Variants in SEZ6L2 observed in about 807,000 individuals in gnomAD.
The protein encoded by SEZ6L2 is seizure 6-like protein 2.
A neutral mutation model predicts 97.0 loss-of-function variants in SEZ6L2; 44 were observed. The ratio of observed to expected loss-of-function variants is 0.45; its 90% CI spans 0.36 to 0.58. SEZ6L2 has a LOEUF of 0.58. SEZ6L2 is among the 20% of genes least tolerant of loss of function. SEZ6L2 has a pLI of 0.00. For synonymous variants in SEZ6L2, 543 were observed against 546.1 expected (o/e 0.99, Z 0.08); for missense variants, 1,086 against 1,233.3 (o/e 0.88, Z 1.79).
Position 29,895,380 on chromosome 16 carries a change from G to C in SEZ6L2, c.732C>G (p.Leu244=). 6.2e-7 allele frequency: 1 copy of C among 1,614,144 alleles called. No individual in the cohort carries two copies. The change falls in exon 5 of 18, where the codon CTC becomes CTG. Residue 244 remains leucine, a synonymous_variant. Transcript: ENST00000617533. ...CTCCAAGCATGGATGAGTTGGCCAG[G>C]AGTCGGGGGGCCAGGCCTGGGGATC... The part of the protein sequence containing the change: ...GGGSPGLAPR[L]LANSSMLGEG...
In SEZ6L2 at chr16:29,895,532, G is replaced by A. The variant is rs1387893335; in HGVS notation, c.652-72C>T. The A allele has an allele frequency of 1.3e-5, 20 of 1,538,510 alleles. No homozygotes were observed. In the East Asian group the frequency reaches 4.3e-4, roughly 33 times the overall value. On this transcript the variant is annotated intron_variant, in intron 4 of 17. Coordinates refer to ENST00000617533, the MANE Select transcript of SEZ6L2 (RefSeq NM_001243332.2). ...TTGACTTCCAAAGCCCCTGTCCTGTGCCTTTGCCCTGTGTGTAGCAGCCCA... is the reference window on the plus strand; with the variant it reads ...TTGACTTCCAAAGCCCCTGTCCTGTACCTTTGCCCTGTGTGTAGCAGCCCA...
intron 5 of SEZ6L2, among the ~76,000 whole-genome samples, chr16:29,893,508 G>T (rs901616476): frequency 4.0e-5 from 6 of 151,796 alleles, no homozygotes; most frequent in African/African-American, 1.5e-4. Flanking sequence ...TTAGCCAGGC[G>T]TAGTGGCAGG....
At chr16:29,881,793 A>G (rs1385102637) in intron 8 of SEZ6L2, among the ~76,000 whole-genome samples, 19 of 149,650 alleles carry the variant, frequency 1.3e-4, no homozygotes, top group Admixed American at 1.3e-3. Context: ...ACCCCCGGCT[A>G]ATTTTTGTAT....
chr16:29,896,790 C>T, intron 3 of SEZ6L2, 32 bp downstream of exon 3: 1 of 1,601,136 alleles, frequency 6.2e-7, no homozygotes, highest in Non-Finnish European at 8.5e-7. Context: ...CTCTCCGGTC[C>T]TCCCACCCCC....
At position 29,898,965 on chromosome 16, in the gene SEZ6L2, G is replaced by C; in HGVS notation, c.55C>G (p.Leu19Val). Residue 19 changes from leucine (L) to valine (V), a missense_variant, in exon 1 of 18, where the codon CTG becomes GTG. Physicochemically the swap from Leu to Val is conservative, Grantham distance 32. This residue lies in a region of SEZ6L2 where 776 missense variants were observed against 794.7 expected (regional missense o/e 0.98). Coordinates refer to ENST00000617533, the MANE Select transcript of SEZ6L2 (RefSeq NM_001243332.2). ...CCCTGGATCCAGGGACAGCTCAGCA[G>C]AATTAGGAACAGCAGCTGGGGAGGC... is the stretch of plus-strand genomic sequence containing the variant. ...PPPPQLLFLI[L>V]LSCPWIQGLP... 6.2e-7 allele frequency: 1 copy of C among 1,612,314 alleles called. No individual in the cohort carries two copies. Among genetic ancestry groups the C allele is most frequent in the Non-Finnish European group, 8.5e-7 (1 of 1,179,744 alleles).
Position 29,888,658 on chromosome 16 carries a change from G to A in SEZ6L2, c.921C>T (p.His307=). The change falls in exon 6 of 18, where the codon CAC becomes CAT. Residue 307 remains histidine (H), a synonymous_variant. Transcript: ENST00000617533. ...AGTGAAAGGTGGCAGTGCCCCCAGG[G>A]TGCAGGTCCGTCACACTCACGTCCC... The part of the protein sequence containing the change: ...AHGDVSVTDL[H]PGGTATFHCD... 6.2e-7 allele frequency: 1 copy of A among 1,614,016 alleles called. No homozygotes were observed. The highest frequency in any genetic ancestry group is 8.5e-7 in the Non-Finnish European group (1 of 1,179,944).
chr16:29,872,324 G>A (rs368700942), intron 16 of SEZ6L2, 41 bp from the exon 17 acceptor site: 125 of 1,601,126 alleles, frequency 7.8e-5, no homozygotes, highest in Non-Finnish European at 9.6e-5. Flanking sequence ...CAACAGGTAA[G>A]CCCCTGAGCT....
intron 12 of SEZ6L2, among the ~76,000 whole-genome samples, chr16:29,874,550 GTTTTTTTTTTTTTTTTTT>G (rs541095994): frequency 0.051 from 1,650 of 32,606 alleles, 136 homozygotes; most frequent in African/African-American, 0.13. Flanking sequence ...GTGTGTGCTT[GTTTTTTTTTTTTTTTTTT>G]TTTTTTTTTT....
intron 8 of SEZ6L2, 76 bp from the exon 9 acceptor site, chr16:29,880,140 A>G: frequency 7.2e-7 from 1 of 1,397,454 alleles, no homozygotes; most frequent in African/African-American, 1.4e-5. Flanking sequence ...TGTGGGCTGA[A>G]TTGGGGTGTT....
intron 6 of SEZ6L2, among the ~76,000 whole-genome samples, chr16:29,888,305 A>T (rs1567421730): frequency 6.6e-6 from 1 of 151,816 alleles, no homozygotes; most frequent in Non-Finnish European, 1.5e-5. Flanking sequence ...CCCAAAATAA[A>T]ATCTCCAGTG....
intron 7 of SEZ6L2, among the ~76,000 whole-genome samples, chr16:29,886,287 T>A (rs2068139107): frequency 6.6e-6 from 1 of 152,126 alleles, no homozygotes; most frequent in Non-Finnish European, 1.5e-5. Flanking sequence ...GAGAATTGCT[T>A]GCATCTGGGA....
At chr16:29,886,255 G>C (rs1189175748) in intron 7 of SEZ6L2, among the ~76,000 whole-genome samples, 2 of 152,152 alleles carry the variant, frequency 1.3e-5, no homozygotes, top group South Asian at 4.1e-4. Context: ...TATAATCCCA[G>C]CTACTCAGGA....
Position 29,883,253 on chromosome 16 carries a change from T to C in SEZ6L2, c.1372+2333A>G, listed in dbSNP as rs995361111. ...ACAATGAAATTCTGTTTCCCAGACATACCAGGCATTTCCCTACTTGCTGTT... is the reference window on the plus strand; with the variant it reads ...ACAATGAAATTCTGTTTCCCAGACACACCAGGCATTTCCCTACTTGCTGTT... On this transcript the variant is annotated intron_variant, in intron 8 of 17. Transcript: ENST00000617533. Among the ~76,000 whole-genome samples, 7 of 152,198 alleles carry C rather than the reference T, an allele frequency of 4.6e-5. No individual in the cohort carries two copies. In the East Asian group the frequency reaches 1.2e-3, roughly 25 times the overall value.
chr16:29,878,458 A>C (rs375520239), intron 9 of SEZ6L2, 33 bp from the exon 10 acceptor site: 60 of 1,559,654 alleles, frequency 3.8e-5, no homozygotes, highest in Non-Finnish European at 4.8e-5. Flanking sequence ...TTCAGGACCC[A>C]GGTGGGCATG....
chr16:29,884,320 G>A (rs1323195298), intron 8 of SEZ6L2, among the ~76,000 whole-genome samples: 1 of 152,078 alleles, frequency 6.6e-6, no homozygotes, highest in Non-Finnish European at 1.5e-5. Context: ...GGCTGGAGGA[G>A]GTGGCTTACA....
chr16:29,892,117 G>C (rs540944728), intron 5 of SEZ6L2, among the ~76,000 whole-genome samples: 144 of 152,300 alleles, frequency 9.5e-4, no homozygotes, highest in African/African-American at 3.3e-3. Flanking sequence ...TTGGTGAAAG[G>C]GCTTTGTAAT....
At chr16:29,879,809 C>T (rs760353842) in intron 9 of SEZ6L2, 55 bp downstream of exon 9, 2 of 1,485,154 alleles carry the variant, frequency 1.3e-6, no homozygotes, top group Non-Finnish European at 1.8e-6. Flanking sequence ...GCTGGGATCC[C>T]CAGTTCAGGG....
chr16:29,871,492 CT>C lies in SEZ6L2; in HGVS notation c.*206del. 1.6e-6 allele frequency: 1 copy of C among 621,842 alleles called. No homozygotes were observed. Among genetic ancestry groups the C allele is most frequent in the Non-Finnish European group, 2.9e-6 (1 of 345,502 alleles). The allele number at this position is 621,842 out of a possible 1,614,324, so 38.5% of individuals were successfully genotyped here. ...GGGGGGCAGGCCCCTCGTTTGGCAA[CT>C]GAGAAGAGGCGGCTTTGGGCGGCAG... On this transcript the variant is annotated 3_prime_UTR_variant, in exon 18 of 18. Coordinates refer to ENST00000617533, the MANE Select transcript of SEZ6L2 (RefSeq NM_001243332.2).
chr16:29,898,698 T>G (rs1479901063), intron 1 of SEZ6L2, among the ~76,000 whole-genome samples: 1 of 152,168 alleles, frequency 6.6e-6, no homozygotes, highest in African/African-American at 2.4e-5. Flanking sequence ...CCAGCCCTCC[T>G]TCTTGGATCT....
Sources: allele counts gnomAD v4.1 joint callset (sites outside exome capture counted in the v4.1 genomes callset), GRCh38; gene constraint gnomAD v4.1.1; regional missense constraint gnomAD v4.1.1; transcripts MANE v1.5; gene names NCBI Gene and HGNC (gene_info 2026-07-23, HGNC 2026-07-21).